The following TMEM220 variants were observed in gnomAD, a reference collection of about 807,000 sequenced individuals.
TMEM220 encodes the protein transmembrane protein 220.
A neutral mutation model predicts 21.7 loss-of-function variants in TMEM220; 21 were observed. That is an observed-to-expected ratio of 0.97 (90% CI 0.69 to 1.39). TMEM220 has a LOEUF of 1.39. TMEM220 is among the 40% of genes most tolerant of loss of function. The pLI, the probability that TMEM220 is intolerant of heterozygous loss-of-function variation, is 0.00. For missense variants in TMEM220, 191 were observed against 201.9 expected, an observed-to-expected ratio of 0.95 and a Z score of 0.33; for synonymous variants, 80 against 73.6, an observed-to-expected ratio of 1.09 and a Z score of -0.45.
rs77186053 is a variant in TMEM220 at position 10,726,955 on chromosome 17, A to G, written c.103-691T>C. Reference sequence around the variant, plus strand: ...TATAAGAAGGATGGGGACTTTCCAAACAATGTAGCTGTCTAATCACATCAA... The same window carrying G: ...TATAAGAAGGATGGGGACTTTCCAAGCAATGTAGCTGTCTAATCACATCAA... On this transcript the variant is annotated intron_variant, in intron 2 of 5. Transcript: ENST00000341871. Among the ~76,000 whole-genome samples, 145 of 152,312 alleles carry G rather than the reference A, an allele frequency of 9.5e-4. 1 individual carries two copies. The East Asian group carries it at 0.022, about 23-fold the overall frequency.
In TMEM220 at chr17:10,715,953, ATATT is replaced by A. The variant is rs1448423013; in HGVS notation, c.348-369_348-366del. On this transcript the variant is annotated intron_variant, in intron 5 of 5. Coordinates refer to ENST00000341871, the MANE Select transcript of TMEM220 (RefSeq NM_001004313.3). ...TTTTGCTTTTTTTAAATTTTATCAC[ATATT>A]TATTAAAGATAATCATTTATAGTTT... 9 of 365,012 alleles carry A rather than the reference ATATT, an allele frequency of 2.5e-5. 1 individual carries two copies. The highest frequency in any genetic ancestry group is 1.3e-4 in the African/African-American group (6 of 45,416). 22.6% of individuals were successfully genotyped at this position (365,012 alleles called of 1,614,324 possible). A position where few individuals can be genotyped will look rare whatever the true frequency, so the allele number is the denominator to read the frequency against.
chr17:10,729,890 C>T lies in TMEM220; in HGVS notation c.-39G>A, dbSNP rs2075106882. On this transcript the variant is annotated 5_prime_UTR_variant, in exon 1 of 6. It adds an upstream start codon to the 5' untranslated region. Transcript: ENST00000341871. ...CGGCGCGGGGCGGTGAGTCCTGCCA[C>T]GTGCGGGGCGGTGAGTCCTGCCACG... 1 of 1,265,696 alleles carries T rather than the reference C, an allele frequency of 7.9e-7. No homozygotes were observed. The highest frequency in any genetic ancestry group is 2.2e-4 in the Middle Eastern group (1 of 4,524). The allele number at this position is 1,265,696 out of a possible 1,614,324, so 78.4% of individuals were successfully genotyped here.
In TMEM220 at chr17:10,729,769, G is replaced by C. The variant is rs1345237683; in HGVS notation, c.72+11C>G. The C allele has an allele frequency of 7.3e-7, 1 of 1,364,940 alleles. No homozygotes were observed. Among genetic ancestry groups the C allele is most frequent in the African/African-American group, 1.5e-5 (1 of 65,854 alleles). 84.6% of individuals were successfully genotyped at this position (1,364,940 alleles called of 1,614,324 possible). A position where few individuals can be genotyped will look rare whatever the true frequency, so the allele number is the denominator to read the frequency against. On this transcript the variant is annotated intron_variant, in intron 1 of 5. Coordinates refer to ENST00000341871, the MANE Select transcript of TMEM220 (RefSeq NM_001004313.3). ...GCCGGGCGGGTCCCCCTCCCACCGC[G>C]GCCGCCTGACCTGCACCAAGGCCGC...
rs1401021425 is a variant in TMEM220 at position 10,729,899 on chromosome 17, C to A, written c.-48G>T. On this transcript the variant is annotated 5_prime_UTR_variant, in exon 1 of 6. Transcript: ENST00000341871. ...GCGGTGAGTCCTGCCACGTGCGGGG[C>A]GGTGAGTCCTGCCACGTACGGTCCG... 3 of 1,281,612 alleles carry A rather than the reference C, an allele frequency of 2.3e-6. No individual in the cohort carries two copies. Among genetic ancestry groups the A allele is most frequent in the Non-Finnish European group, 3.0e-6 (3 of 1,011,192 alleles). The allele number at this position is 1,281,612 out of a possible 1,614,324, so 79.4% of individuals were successfully genotyped here.
intron 2 of TMEM220, among the ~76,000 whole-genome samples, chr17:10,728,418 C>A (rs1261799559): frequency 6.6e-6 from 1 of 150,618 alleles, no homozygotes. Context: ...CAGCGAGTCT[C>A]CTGCTTCAGC....
At chr17:10,723,620 A>G (rs2075017852) in intron 4 of TMEM220, among the ~76,000 whole-genome samples, 1 of 152,258 alleles carries the variant, frequency 6.6e-6, no homozygotes, top group South Asian at 2.1e-4. Flanking sequence ...TGAATATTTT[A>G]TAAAATCCAC....
intron 2 of TMEM220, among the ~76,000 whole-genome samples, chr17:10,726,671 G>T (rs1200415274): frequency 6.6e-6 from 1 of 152,188 alleles, no homozygotes; most frequent in African/African-American, 2.4e-5. Context: ...GGCCCTGCTG[G>T]CTTTGGACCC....
intron 5 of TMEM220, among the ~76,000 whole-genome samples, chr17:10,715,812 GGAAGA>G (rs1348719492): frequency 1.3e-5 from 2 of 152,066 alleles, no homozygotes; most frequent in African/African-American, 4.8e-5. Flanking sequence ...TGTCTTTTGA[GGAAGA>G]GAAGTCATTG....
At position 10,715,289 on chromosome 17, in the gene TMEM220, T is replaced by G; in HGVS notation, c.*164A>C. The stretch of plus-strand genomic sequence containing the variant: ...AAAATATCAGACCATCTCTTACTTG[T>G]CCCATCCAATCTTACATCGAATTAT... On this transcript the variant is annotated 3_prime_UTR_variant, in exon 6 of 6. Transcript: ENST00000341871. 1.8e-6 allele frequency: 1 copy of G among 569,026 alleles called. No individual in the cohort carries two copies. The highest frequency in any genetic ancestry group is 3.0e-6 in the Non-Finnish European group (1 of 336,134). 35.2% of individuals were successfully genotyped at this position (569,026 alleles called of 1,614,324 possible). A position where few individuals can be genotyped will look rare whatever the true frequency, so the allele number is the denominator to read the frequency against.
downstream of TMEM220, among the ~76,000 whole-genome samples, chr17:10,711,528 G>A (rs1218076571): frequency 3.3e-5 from 5 of 152,180 alleles, no homozygotes; most frequent in Non-Finnish European, 7.3e-5. Flanking sequence ...ACCCTGCTGT[G>A]TAAATGAGCT....
intron 5 of TMEM220, among the ~76,000 whole-genome samples, chr17:10,717,859 T>A (rs2074941084): frequency 6.6e-6 from 1 of 152,134 alleles, no homozygotes; most frequent in Non-Finnish European, 1.5e-5. Context: ...CTTTCATTCT[T>A]GTCACCCAGG....
At chr17:10,716,716 C>CCTATTTA (rs1423141346) in intron 5 of TMEM220, among the ~76,000 whole-genome samples, 18 of 152,186 alleles carry the variant, frequency 1.2e-4, no homozygotes, top group African/African-American at 4.3e-4. Flanking sequence ...AAAAGACTGC[C>CCTATTTA]TTCTCAGCTA....
At chr17:10,726,656 T>C (rs2075053129) in intron 2 of TMEM220, among the ~76,000 whole-genome samples, 1 of 152,214 alleles carries the variant, frequency 6.6e-6, no homozygotes, top group African/African-American at 2.4e-5. Flanking sequence ...GCCACGATGC[T>C]AGATGGCCCT....
chr17:10,720,261 C>A (rs1466719958), intron 5 of TMEM220, among the ~76,000 whole-genome samples: 2 of 152,176 alleles, frequency 1.3e-5, no homozygotes. Flanking sequence ...ATGCATATGG[C>A]TATTAACTGC....
rs2075036492 is a variant in TMEM220, at chr17:10,725,216, A to G, written c.164-82T>C. The G allele has an allele frequency of 5.7e-6, 9 of 1,566,444 alleles. No individual in the cohort carries two copies. The South Asian group carries it at 8.1e-5, about 14-fold the overall frequency. ...AAATGATCTTTTTGTATGTTTTGCC[A>G]TAGTCTGCTTTCAGAAAAGACATTC... is the stretch of plus-strand genomic sequence containing the variant. On this transcript the variant is annotated intron_variant, in intron 3 of 5. Transcript: ENST00000341871.
intron 3 of TMEM220, 56 bp from the exon 4 acceptor site, chr17:10,725,190 A>T: frequency 1.2e-6 from 2 of 1,604,384 alleles, no homozygotes; most frequent in Admixed American, 1.7e-5. Context: ...ACAGAAAAAA[A>T]AAATGATCTT....
intron 5 of TMEM220, among the ~76,000 whole-genome samples, chr17:10,721,597 T>A (rs1475370047): frequency 9.6e-6 from 1 of 104,254 alleles, no homozygotes; most frequent in Non-Finnish European, 1.7e-5. Flanking sequence ...AGAGCAAGAC[T>A]CTGTCTCAAA....
At chr17:10,716,536 T>C (rs2074923795) in intron 5 of TMEM220, 1 of 611,374 alleles carries the variant, frequency 1.6e-6, no homozygotes, top group Admixed American at 1.9e-5. Context: ...CAACTGAGAC[T>C]GAACTTCTAA....
chr17:10,713,247 G>A (rs1405154986), downstream of TMEM220: 1 of 149,618 alleles, frequency 6.7e-6, no homozygotes, highest in Admixed American at 6.7e-5. Context: ...CTCCAGCCTG[G>A]GGGACAGAGC....
Sources: allele counts gnomAD v4.1 joint callset (sites outside exome capture counted in the v4.1 genomes callset), GRCh38; gene constraint gnomAD v4.1.1; transcripts MANE v1.5; gene names NCBI Gene and HGNC (gene_info 2026-07-23, HGNC 2026-07-21).